The following RASSF2 variants were observed in gnomAD, a reference collection of about 807,000 sequenced individuals.
RASSF2 encodes Ras association domain family member 2.
RASSF2 carries 34 observed loss-of-function variants against 46.3 expected under a neutral mutation model. That is an observed-to-expected ratio of 0.73 (90% confidence interval 0.56 to 0.98). RASSF2 has a LOEUF of 0.98. Ranked by LOEUF, RASSF2 falls within the 50% of genes least tolerant of loss-of-function variation. RASSF2 has a pLI of 0.00. For missense variants in RASSF2, 364 were observed against 431.2 expected, an observed-to-expected ratio of 0.84 and a Z score of 1.38; for synonymous variants, 158 against 162.5, an observed-to-expected ratio of 0.97 and a Z score of 0.21.
intron 3 of RASSF2, among the ~76,000 whole-genome samples, chr20:4,799,205 A>T (rs1160324183): frequency 2.0e-5 from 3 of 152,176 alleles, no homozygotes; most frequent in Non-Finnish European, 4.4e-5. Context: ...TCCCCCTCTG[A>T]AGCCCAGCAC....
chr20:4,788,400 C>A, intron 8 of RASSF2, 132 bp from the exon 9 acceptor site: 2 of 771,204 alleles, frequency 2.6e-6, no homozygotes, highest in Non-Finnish European at 2.2e-6. Context: ...TATTTATCTA[C>A]AACTCTCAGA....
Position 4,798,845 on chromosome 20 carries a change from C to CA in RASSF2, c.60-761dup, listed in dbSNP as rs35949107. On this transcript the variant is annotated intron_variant, in intron 3 of 11. Coordinates refer to ENST00000379400, the MANE Select transcript of RASSF2 (RefSeq NM_014737.3). ...CATCTCAAAAAAACAAACAAACAAA[C>CA]AAAAAAAAAAAAACTTGCAAACTCC... is the stretch of plus-strand genomic sequence containing the variant. 8.1e-4 allele frequency among the ~76,000 whole-genome samples: 103 copies of CA among 127,172 alleles called. 1 individual carries two copies. Among genetic ancestry groups the CA allele is most frequent in the Admixed American group, 1.2e-3 (15 of 12,508 alleles). 83.4% of individuals were successfully genotyped at this position (127,172 alleles called of 152,430 possible).
At chr20:4,793,498 A>G (rs1406607279) in intron 5 of RASSF2, among the ~76,000 whole-genome samples, 1 of 152,206 alleles carries the variant, frequency 6.6e-6, no homozygotes, top group East Asian at 1.9e-4. Flanking sequence ...AATTTAACTC[A>G]TATACTTCTG....
At chr20:4,802,322 C>G (rs989063029) in intron 2 of RASSF2, among the ~76,000 whole-genome samples, 1 of 150,662 alleles carries the variant, frequency 6.6e-6, no homozygotes, top group East Asian at 1.9e-4. Context: ...ATGCCAGCAG[C>G]ACTACCCCAG....
intron 2 of RASSF2, among the ~76,000 whole-genome samples, chr20:4,811,587 T>C (rs911037055): frequency 2.6e-5 from 4 of 152,160 alleles, no homozygotes; most frequent in African/African-American, 9.7e-5. Flanking sequence ...TGGAATTTTC[T>C]AAAAGCAAAC....
At chr20:4,821,343 G>T (rs1885309) in intron 2 of RASSF2, among the ~76,000 whole-genome samples, 2 of 151,894 alleles carry the variant, frequency 1.3e-5, no homozygotes, top group South Asian at 2.1e-4. Context: ...GCCACGCTCA[G>T]GGAAGTGGGG....
chr20:4,792,333 C>T (rs1272565643), intron 6 of RASSF2, among the ~76,000 whole-genome samples: 3 of 150,486 alleles, frequency 2.0e-5, no homozygotes, highest in East Asian at 2.0e-4. Context: ...GTGTGTTTTG[C>T]TTATATTTGC....
chr20:4,813,562 T>C (rs1356886696), intron 2 of RASSF2, among the ~76,000 whole-genome samples: 1 of 152,116 alleles, frequency 6.6e-6, no homozygotes, highest in Non-Finnish European at 1.5e-5. Context: ...AGCAGCCACA[T>C]GTTTACAGGG....
chr20:4,812,039 C>T lies in RASSF2; in HGVS notation c.-33+10290G>A, dbSNP rs1197077991. Among the ~76,000 whole-genome samples the T allele has an allele frequency of 2.0e-5, 3 of 152,072 alleles. No homozygotes were observed. Among genetic ancestry groups the T allele is most frequent in the East Asian group, 1.9e-4 (1 of 5,144 alleles). ...GGACCCCTTGTAGTGGGGCAGGAAGCGGTGTGGATGGCAAACAGGAAACCC... is the reference window on the plus strand; with the variant it reads ...GGACCCCTTGTAGTGGGGCAGGAAGTGGTGTGGATGGCAAACAGGAAACCC... On this transcript the variant is annotated intron_variant, in intron 2 of 11. Transcript: ENST00000379400. The surrounding 1 kb of genome is among the most constrained non-coding windows in gnomAD (Gnocchi z 4.0).
At chr20:4,802,672 T>G (rs1010029672) in intron 2 of RASSF2, among the ~76,000 whole-genome samples, 1 of 151,864 alleles carries the variant, frequency 6.6e-6, no homozygotes, top group African/African-American at 2.4e-5. Context: ...GAACGGTGGT[T>G]GCCAGAGGCT....
chr20:4,798,054 T>C lies in RASSF2; in HGVS notation c.91A>G (p.Asn31Asp), dbSNP rs1442987073. Reference protein sequence around the residue: ...NELLLHLKTYNLYYEGQNLQL... With the variant: ...NELLLHLKTYDLYYEGQNLQL... ...AAATTCTGGCCTTCATAGTACAAGTTGTAGGTCTTCAGATGCAAGAGAAGT... is the reference window on the plus strand; with the variant it reads ...AAATTCTGGCCTTCATAGTACAAGTCGTAGGTCTTCAGATGCAAGAGAAGT... The change falls in exon 4 of 12, where the codon AAC becomes GAC. Residue 31 changes from asparagine (N) to aspartate (D), a missense_variant. Asn to Asp is a conservative substitution (Grantham distance 23, BLOSUM62 1). Coordinates refer to ENST00000379400, the MANE Select transcript of RASSF2 (RefSeq NM_014737.3). The C allele has an allele frequency of 6.2e-7, 1 of 1,613,984 alleles. No homozygotes were observed. The highest frequency in any genetic ancestry group is 1.1e-5 in the South Asian group (1 of 91,082).
At chr20:4,793,423 T>C (rs952137151) in intron 5 of RASSF2, among the ~76,000 whole-genome samples, 9 of 152,166 alleles carry the variant, frequency 5.9e-5, no homozygotes, top group Admixed American at 5.9e-4. Flanking sequence ...AAACCTCATG[T>C]TCTGGGGAGG....
At chr20:4,785,814 T>G (rs774284184) in intron 11 of RASSF2, among the ~76,000 whole-genome samples, 2 of 152,096 alleles carry the variant, frequency 1.3e-5, no homozygotes, top group Non-Finnish European at 2.9e-5. Flanking sequence ...TCTTCGCAAA[T>G]AGTCCCTTCT....
In RASSF2 at chr20:4,780,635, G is replaced by A. The variant is rs1019566140; in HGVS notation, c.*3638C>T. ...ATCTCATTCTTCACGTCATGGTTTG[G>A]CCGCTGTAAGACACTGAAATTGCCT... On this transcript the variant is annotated 3_prime_UTR_variant, in exon 12 of 12. Transcript: ENST00000379400. 3 of 152,202 alleles carry A rather than the reference G, an allele frequency of 2.0e-5. No individual in the cohort carries two copies. The highest frequency in any genetic ancestry group is 7.2e-5 in the African/African-American group (3 of 41,442). The allele number at this position is 152,202 out of a possible 1,614,324, so 9.4% of individuals were successfully genotyped here.
At chr20:4,815,762 T>TGCCAGCA (rs1341710148) in intron 2 of RASSF2, among the ~76,000 whole-genome samples, 3 of 152,240 alleles carry the variant, frequency 2.0e-5, no homozygotes, top group Non-Finnish European at 4.4e-5. Context: ...AAGGGCCAGC[T>TGCCAGCA]GCCAGCAGCC....
chr20:4,822,627 C>T (rs151258269), intron 1 of RASSF2, among the ~76,000 whole-genome samples: 8 of 152,252 alleles, frequency 5.3e-5, no homozygotes, highest in Admixed American at 5.2e-4. Context: ...TAGCCGGGGC[C>T]GCCCACGGCA....
At chr20:4,794,080 T>TAATACAGTATAGTATAACA (rs921548075) in intron 5 of RASSF2, among the ~76,000 whole-genome samples, 7 of 152,226 alleles carry the variant, frequency 4.6e-5, no homozygotes, top group East Asian at 1.9e-4. Context: ...AATACAGCAA[T>TAATACAGTATAGTATAACA]AATACAGTAT....
rs1924875306 is a variant in RASSF2, at chr20:4,782,016, T to C, written c.*2257A>G. The C allele has an allele frequency of 6.6e-6, 1 of 152,230 alleles. No individual in the cohort carries two copies. The highest frequency in any genetic ancestry group is 1.5e-5 in the Non-Finnish European group (1 of 68,050). The allele number at this position is 152,230 out of a possible 1,614,324, so 9.4% of individuals were successfully genotyped here. A position where few individuals can be genotyped will look rare whatever the true frequency, so the allele number is the denominator to read the frequency against. Reference sequence around the variant, plus strand: ...ACAAAATGGAAAAGTGTGGTCTGCATTACGTGGAAGTGTGTTGTGTGAGAT... The same window carrying C: ...ACAAAATGGAAAAGTGTGGTCTGCACTACGTGGAAGTGTGTTGTGTGAGAT... On this transcript the variant is annotated 3_prime_UTR_variant, in exon 12 of 12. Coordinates refer to ENST00000379400, the MANE Select transcript of RASSF2 (RefSeq NM_014737.3).
At chr20:4,815,756 G>C (rs1928254818) in intron 2 of RASSF2, among the ~76,000 whole-genome samples, 1 of 152,212 alleles carries the variant, frequency 6.6e-6, no homozygotes, top group African/African-American at 2.4e-5. Flanking sequence ...GGCCCCAAGG[G>C]CCAGCTGCCA....
Sources: allele counts gnomAD v4.1 joint callset (sites outside exome capture counted in the v4.1 genomes callset), GRCh38; gene constraint gnomAD v4.1.1; non-coding constraint Gnocchi (gnomAD v3.1); transcripts MANE v1.5; gene names NCBI Gene and HGNC (gene_info 2026-07-23, HGNC 2026-07-21).